The following CPEB3 variants were observed in gnomAD, a reference collection of about 807,000 sequenced individuals.
CPEB3 encodes the protein cytoplasmic polyadenylation element-binding protein 3.
Under a neutral mutation model 67.2 loss-of-function variants are expected in CPEB3, and 20 were observed. The observed-to-expected ratio is 0.30, with a 90% CI of 0.21 to 0.43. The LOEUF is 0.43. Ranked by LOEUF, CPEB3 falls within the 20% of genes least tolerant of loss-of-function variation. The pLI, the probability that CPEB3 is intolerant of heterozygous loss-of-function variation, is 1.00. For missense variants in CPEB3, 746 were observed against 968.6 expected (o/e 0.77, Z 3.05); for synonymous variants, 376 against 393.1 (o/e 0.96, Z 0.51).
chr10:92,208,557 T>TG (rs1324018191), intron 2 of CPEB3, among the ~76,000 whole-genome samples: 5 of 151,960 alleles, frequency 3.3e-5, no homozygotes, highest in Non-Finnish European at 7.4e-5. Context: ...TTGGGCAATG[T>TG]GTCTGGCCTC....
intron 1 of CPEB3, among the ~76,000 whole-genome samples, chr10:92,251,669 C>T (rs553651983): frequency 9.9e-5 from 15 of 152,100 alleles, no homozygotes; most frequent in African/African-American, 3.6e-4. Flanking sequence ...AAAATCAATT[C>T]CAGATGGATT....
intron 1 of CPEB3, among the ~76,000 whole-genome samples, chr10:92,286,583 TAAA>T (rs757526293): frequency 2.9e-5 from 3 of 102,478 alleles, no homozygotes; most frequent in Admixed American, 1.1e-4. Flanking sequence ...AGACTCTATC[TAAA>T]AAAAAAAAAA....
chr10:92,095,450 C>T (rs995312557), intron 7 of CPEB3, among the ~76,000 whole-genome samples: 1 of 151,980 alleles, frequency 6.6e-6, no homozygotes, highest in Non-Finnish European at 1.5e-5. Context: ...AAGTTGCACT[C>T]ACACTCTGGT....
At chr10:92,263,081 TTTG>T (rs1852881104) in intron 1 of CPEB3, among the ~76,000 whole-genome samples, 1 of 152,164 alleles carries the variant, frequency 6.6e-6, no homozygotes. Flanking sequence ...AAAGCATTTT[TTTG>T]TTGTTGTTGG....
At chr10:92,185,285 G>C (rs1298097097) in intron 3 of CPEB3, among the ~76,000 whole-genome samples, 1 of 152,124 alleles carries the variant, frequency 6.6e-6, no homozygotes, top group Non-Finnish European at 1.5e-5. Context: ...GGCATACTTG[G>C]TTTTACTAAG....
intron 9 of CPEB3, among the ~76,000 whole-genome samples, chr10:92,059,528 G>A (rs1842257436): frequency 6.6e-6 from 1 of 151,612 alleles, no homozygotes; most frequent in Admixed American, 6.6e-5. Context: ...CATCAAAACG[G>A]GGAAAAAACT....
chr10:92,177,325 A>G (rs527337683), intron 4 of CPEB3, among the ~76,000 whole-genome samples: 1 of 152,338 alleles, frequency 6.6e-6, no homozygotes, highest in East Asian at 1.9e-4. Flanking sequence ...ATTGCCTCAG[A>G]ACTAACTTTA....
Position 92,239,825 on chromosome 10 carries a change from C to T in CPEB3, c.526G>A (p.Ala176Thr), listed in dbSNP as rs770134288. The T allele has an allele frequency of 6.8e-7, 1 of 1,466,966 alleles. No homozygotes were observed. The allele number at this position is 1,466,966 out of a possible 1,614,324, so 90.9% of individuals were successfully genotyped here. A position where few individuals can be genotyped will look rare whatever the true frequency, so the allele number is the denominator to read the frequency against. Residue 176 changes from alanine to threonine, a missense_variant, in exon 2 of 10, where the codon GCA becomes ACA. Transcript: ENST00000265997. This position sits in a 1 kb window ranked among gnomAD's most constrained non-coding sequence, Gnocchi z 6.0. Reference sequence around the variant, plus strand: ...GCCTGTGGTGGCTGCGCTGGCTGTGCCGGCTGCGGCGCGGGCGCAGGCGGC... The same window carrying T: ...GCCTGTGGTGGCTGCGCTGGCTGTGTCGGCTGCGGCGCGGGCGCAGGCGGC... Reference protein sequence around the residue: ...PPPPAPAPQPAQPAQPPQAQP... With the variant: ...PPPPAPAPQPTQPAQPPQAQP...
At chr10:92,138,927 T>C (rs1030927693) in intron 6 of CPEB3, among the ~76,000 whole-genome samples, 2 of 152,164 alleles carry the variant, frequency 1.3e-5, no homozygotes, top group Admixed American at 6.5e-5. Context: ...CTATTCACAA[T>C]AGCCAGGATT....
chr10:92,119,834 C>G (rs1163133280), intron 6 of CPEB3, among the ~76,000 whole-genome samples: 1 of 152,022 alleles, frequency 6.6e-6, no homozygotes, highest in Non-Finnish European at 1.5e-5. Context: ...AGAAAACCCT[C>G]TTAATTTTAT....
chr10:92,197,845 A>C (rs1324447853), intron 2 of CPEB3, among the ~76,000 whole-genome samples: 1 of 152,116 alleles, frequency 6.6e-6, no homozygotes, highest in African/African-American at 2.4e-5. Flanking sequence ...GCAGTGGCTC[A>C]CTCCTGTAAT....
chr10:92,242,709 C>CA (rs1213094116), intron 1 of CPEB3, among the ~76,000 whole-genome samples: 5 of 151,980 alleles, frequency 3.3e-5, no homozygotes, highest in African/African-American at 9.7e-5. Context: ...TGTACCTCAG[C>CA]AAAAAAGCCA....
chr10:92,286,303 G>C (rs1842523600), intron 1 of CPEB3, among the ~76,000 whole-genome samples: 1 of 151,980 alleles, frequency 6.6e-6, no homozygotes, highest in African/African-American at 2.4e-5. Flanking sequence ...GGTAGCTATA[G>C]GCCAGGCACA....
intron 2 of CPEB3, among the ~76,000 whole-genome samples, chr10:92,218,895 G>A (rs192739382): frequency 6.6e-6 from 1 of 152,078 alleles, no homozygotes; most frequent in African/African-American, 2.4e-5. Context: ...GCTCGCTGCA[G>A]CCTCGACTTC....
At chr10:92,228,400 C>T (rs1851089732) in intron 2 of CPEB3, among the ~76,000 whole-genome samples, 1 of 152,132 alleles carries the variant, frequency 6.6e-6, no homozygotes, top group Admixed American at 6.6e-5. Context: ...AATAAATTTT[C>T]CATTCCAGAT....
chr10:92,150,694 C>A (rs1846922364), intron 4 of CPEB3, among the ~76,000 whole-genome samples: 1 of 152,168 alleles, frequency 6.6e-6, no homozygotes, highest in African/African-American at 2.4e-5. Context: ...TAAGAGGCTG[C>A]ACCTAAATTG....
At chr10:92,063,757 A>G (rs1188182784) in intron 9 of CPEB3, among the ~76,000 whole-genome samples, 1 of 140,394 alleles carries the variant, frequency 7.1e-6, no homozygotes, top group Non-Finnish European at 1.6e-5. Flanking sequence ...AGCGAGACTC[A>G]GTATCCAAAA....
intron 4 of CPEB3, among the ~76,000 whole-genome samples, chr10:92,177,738 C>CA (rs1194946100): frequency 6.6e-5 from 10 of 151,988 alleles, no homozygotes; most frequent in African/African-American, 2.4e-4. Context: ...CTAGGAACAC[C>CA]AAAAAATGGG....
chr10:92,158,252 G>C (rs1315865029), intron 4 of CPEB3, among the ~76,000 whole-genome samples: 1 of 152,010 alleles, frequency 6.6e-6, no homozygotes, highest in Non-Finnish European at 1.5e-5. Context: ...ATGAAGTACA[G>C]GCTAAATCAC....
Sources: gnomAD v4.1 joint callset for allele counts (sites outside exome capture counted in the v4.1 genomes callset) on GRCh38, gnomAD v4.1.1 for gene constraint, Gnocchi (gnomAD v3.1) non-coding constraint, MANE v1.5 for transcripts, NCBI Gene and HGNC (gene_info 2026-07-23, HGNC 2026-07-21) for gene names.